The following PADI2 variants were observed in gnomAD, a reference collection of about 807,000 sequenced individuals.
The protein encoded by PADI2 is peptidyl arginine deiminase 2, also known as protein-arginine deiminase type-2.
PADI2 carries 70 observed loss-of-function variants against 81.1 expected under a neutral mutation model. The ratio of observed to expected loss-of-function variants is 0.86; its 90% CI spans 0.71 to 1.05. PADI2 has a LOEUF of 1.05. Among genes scored for constraint, PADI2 ranks in the 50% least tolerant of loss-of-function variants. The probability of loss-of-function intolerance (pLI) is 0.00; values close to 1 mark genes in which losing one functional copy is unlikely to be tolerated. For synonymous variants in PADI2, 338 were observed against 358.0 expected, an observed-to-expected ratio of 0.94 and a Z score of 0.63; for missense variants, 853 against 889.9, an observed-to-expected ratio of 0.96 and a Z score of 0.53.
Position 17,073,416 on chromosome 1 carries a change from C to CAAAAAAAAAAAAAAA in PADI2, c.1549+1425_1549+1439dup, listed in dbSNP as rs55941211. ...TGGACGACAGAGTGAGACTGTGTCT[C>CAAAAAAAAAAAAAAA]AAAAAAAAAAAAAAAAAGTATAACG... On this transcript the variant is annotated intron_variant, in intron 13 of 15. Transcript: ENST00000375486. Among the ~76,000 whole-genome samples, 674 of 127,344 alleles carry CAAAAAAAAAAAAAAA rather than the reference C, an allele frequency of 5.3e-3. 7 individuals are homozygous for CAAAAAAAAAAAAAAA. Among genetic ancestry groups the CAAAAAAAAAAAAAAA allele is most frequent in the Non-Finnish European group, 8.7e-3 (524 of 60,334 alleles). 83.5% of individuals were successfully genotyped at this position (127,344 alleles called of 152,430 possible).
At chr1:17,098,582 G>T (rs2235913) in intron 3 of PADI2, among the ~76,000 whole-genome samples, 1 of 152,020 alleles carries the variant, frequency 6.6e-6, no homozygotes, top group African/African-American at 2.4e-5. Context: ...TGCTTATTGC[G>T]ATTTCCTGAT....
intron 1 of PADI2, among the ~76,000 whole-genome samples, chr1:17,118,973 G>T (rs550983754): frequency 6.6e-6 from 1 of 152,090 alleles, no homozygotes; most frequent in Non-Finnish European, 1.5e-5. Context: ...AGGGGTGTGA[G>T]GTCCCCCGGG....
At chr1:17,106,970 A>G (rs893858763) in intron 1 of PADI2, among the ~76,000 whole-genome samples, 1 of 151,384 alleles carries the variant, frequency 6.6e-6, no homozygotes, top group African/African-American at 2.4e-5. Flanking sequence ...CAGAATTGTG[A>G]GAAGATGAAT....
At position 17,092,396 on chromosome 1, in the gene PADI2, G is replaced by A. The variant is rs1930732657; in HGVS notation, c.655+12C>T. On this transcript the variant is annotated intron_variant, in intron 6 of 15. Coordinates refer to ENST00000375486, the MANE Select transcript of PADI2 (RefSeq NM_007365.3). ...AGAAAGGTCTAGGCTGGACTGGGCT[G>A]GGATCACTCACTCTCCACGTAGAAC... 3.1e-6 allele frequency: 5 copies of A among 1,596,448 alleles called. No individual in the cohort carries two copies. The East Asian group carries it at 1.1e-4, about 37-fold the overall frequency.
At chr1:17,079,631 AGAGT>A (rs1274404847) in intron 10 of PADI2, among the ~76,000 whole-genome samples, 8 of 150,956 alleles carry the variant, frequency 5.3e-5, no homozygotes, top group Non-Finnish European at 1.2e-4. Context: ...AGTGCGAGTG[AGAGT>A]GAGTGTGAGA....
chr1:17,086,212 C>A (rs1228300914), intron 7 of PADI2, among the ~76,000 whole-genome samples: 8 of 152,190 alleles, frequency 5.3e-5, no homozygotes, highest in African/African-American at 1.9e-4. Flanking sequence ...ATCAGCAGGA[C>A]TCTGGGCCTT....
At chr1:17,112,722 C>T (rs1003290782) in intron 1 of PADI2, among the ~76,000 whole-genome samples, 10 of 152,208 alleles carry the variant, frequency 6.6e-5, no homozygotes, top group African/African-American at 2.4e-4. Context: ...CTTCAGCCAG[C>T]TTCCCTCACC....
chr1:17,070,033 G>A (rs1282094947), intron 15 of PADI2, 55 bp downstream of exon 15: 4 of 1,571,754 alleles, frequency 2.5e-6, no homozygotes, highest in Non-Finnish European at 3.5e-6. Context: ...GGTCCTTCTG[G>A]ATCTGGCTGC....
At chr1:17,104,752 TG>T in intron 2 of PADI2, 125 bp downstream of exon 2, 1 of 807,224 alleles carries the variant, frequency 1.2e-6, no homozygotes, top group Non-Finnish European at 1.8e-6. Flanking sequence ...CTTTTCAATG[TG>T]GTTACTGCAG....
Position 17,104,983 on chromosome 1 carries a change from C to T in PADI2, c.171G>A (p.Glu57=), listed in dbSNP as rs1162461823. 2 of 1,607,190 alleles carry T rather than the reference C, an allele frequency of 1.2e-6. No homozygotes were observed. The highest frequency in any genetic ancestry group is 2.7e-5 in the African/African-American group (2 of 74,266). The change falls in exon 2 of 16, where the codon GAG becomes GAA. Residue 57 remains glutamate (E), a synonymous_variant. Coordinates refer to ENST00000375486, the MANE Select transcript of PADI2 (RefSeq NM_007365.3). Reference sequence around the variant, plus strand: ...TGCCATTGGTGGCCACCTCCTCAGCCTCCCCATCACGCACCACCTCCACCC... The same window carrying T: ...TGCCATTGGTGGCCACCTCCTCAGCTTCCCCATCACGCACCACCTCCACCC... ...HVWVEVVRDG[E]AEEVATNGKQ...
chr1:17,119,268 G>T lies in PADI2; in HGVS notation c.92+12C>A, dbSNP rs1232385427. ...GAGATCTCGGCCCGGGCATCACGGT[G>T]GGCCGGCTCACCTGTAGACATCGGT... On this transcript the variant is annotated intron_variant, in intron 1 of 15. Coordinates refer to ENST00000375486, the MANE Select transcript of PADI2 (RefSeq NM_007365.3). This position sits in a 1 kb window ranked among gnomAD's most constrained non-coding sequence, Gnocchi z 4.8. The T allele has an allele frequency of 2.0e-6, 3 of 1,513,416 alleles. No homozygotes were observed. Among genetic ancestry groups the T allele is most frequent in the African/African-American group, 2.9e-5 (2 of 70,058 alleles). The allele number at this position is 1,513,416 out of a possible 1,614,324, so 93.7% of individuals were successfully genotyped here.
intron 6 of PADI2, among the ~76,000 whole-genome samples, chr1:17,088,799 C>T (rs1009055032): frequency 2.0e-5 from 3 of 149,006 alleles, no homozygotes; most frequent in African/African-American, 5.0e-5. Context: ...CCTAGCTACT[C>T]GGGAGGCTGA....
intron 6 of PADI2, among the ~76,000 whole-genome samples, chr1:17,088,251 G>A (rs1930540603): frequency 6.6e-6 from 1 of 152,156 alleles, no homozygotes; most frequent in Non-Finnish European, 1.5e-5. Flanking sequence ...ACTTGCATTG[G>A]TAAAGGCATG....
intron 6 of PADI2, among the ~76,000 whole-genome samples, chr1:17,087,488 G>GTTTATTTA (rs372378095): frequency 0.059 from 8,038 of 136,874 alleles, 333 homozygotes; most frequent in African/African-American, 0.12. Flanking sequence ...ATGTTTGTTT[G>GTTTATTTA]TTTGTTTATT....
chr1:17,099,102 G>T (rs1163121207), intron 3 of PADI2, among the ~76,000 whole-genome samples: 1 of 152,230 alleles, frequency 6.6e-6, no homozygotes, highest in African/African-American at 2.4e-5. Flanking sequence ...AAGGCAGTCT[G>T]CCCTGAGAAT....
Position 17,092,412 on chromosome 1 carries a change from C to T in PADI2, c.651G>A (p.Val217=), listed in dbSNP as rs1201094481. Residue 217 remains valine, a synonymous_variant, in exon 6 of 16, where the codon GTG becomes GTA. Coordinates refer to ENST00000375486, the MANE Select transcript of PADI2 (RefSeq NM_007365.3). Reference sequence around the variant, plus strand: ...GACTGGGCTGGGATCACTCACTCTCCACGTAGAACACGCCCACTTTGTCTG... The same window carrying T: ...GACTGGGCTGGGATCACTCACTCTCTACGTAGAACACGCCCACTTTGTCTG... The part of the protein sequence containing the change: ...SDSDKVGVFY[V]ENPFFGQRYI... 52 of 1,604,158 alleles carry T rather than the reference C, an allele frequency of 3.2e-5. No individual in the cohort carries two copies. The highest frequency in any genetic ancestry group is 4.3e-5 in the Non-Finnish European group (50 of 1,175,800).
At chr1:17,106,243 GA>G (rs1931370503) in intron 1 of PADI2, among the ~76,000 whole-genome samples, 1 of 152,054 alleles carries the variant, frequency 6.6e-6, no homozygotes, top group Non-Finnish European at 1.5e-5. Context: ...TGGAATTCTT[GA>G]ATTCCGAAAT....
chr1:17,086,198 G>A (rs1312044875), intron 7 of PADI2, among the ~76,000 whole-genome samples: 3 of 152,184 alleles, frequency 2.0e-5, no homozygotes, highest in African/African-American at 4.8e-5. Context: ...AGAGCCTCGC[G>A]CTAATCAGCA....
chr1:17,067,367 G>A lies in PADI2; in HGVS notation c.*1677C>T, dbSNP rs958237576. The A allele has an allele frequency of 2.0e-5, 3 of 152,162 alleles. No individual in the cohort carries two copies. The highest frequency in any genetic ancestry group is 1.3e-4 in the Admixed American group (2 of 15,262). 9.4% of individuals were successfully genotyped at this position (152,162 alleles called of 1,614,324 possible). The stretch of plus-strand genomic sequence containing the variant: ...TCTGGGGCTTTGGCCTCCAAAGGCA[G>A]GAGCTGCTGTCCCCAGAGAGGAGAC... On this transcript the variant is annotated 3_prime_UTR_variant, in exon 16 of 16. Transcript: ENST00000375486.
Sources: gnomAD v4.1 joint callset for allele counts (sites outside exome capture counted in the v4.1 genomes callset) on GRCh38, gnomAD v4.1.1 for gene constraint, Gnocchi (gnomAD v3.1) non-coding constraint, MANE v1.5 for transcripts, NCBI Gene and HGNC (gene_info 2026-07-23, HGNC 2026-07-21) for gene names.